COMMD2: variants seen among roughly 807,000 people sequenced by gnomAD.
COMMD2 encodes the protein COMM domain-containing protein 2.
A neutral mutation model predicts 22.5 loss-of-function variants in COMMD2; 25 were observed. The observed-to-expected ratio is 1.11, with a 90% CI of 0.81 to 1.55. The LOEUF (loss-of-function observed/expected upper bound fraction) is 1.55. Ranked by LOEUF, COMMD2 falls within the 40% of genes most tolerant of loss-of-function variation. The pLI is 0.00. For synonymous variants in COMMD2, 98 were observed against 91.2 expected (o/e 1.07, Z -0.42); for missense variants, 223 against 232.9 (o/e 0.96, Z 0.28).
At chr3:149,744,837 C>T (rs1171299145) in intron 4 of COMMD2, among the ~76,000 whole-genome samples, 1 of 152,190 alleles carries the variant, frequency 6.6e-6, no homozygotes, top group African/African-American at 2.4e-5. Context: ...TAAGTGGCAA[C>T]ATTCATTCAG....
chr3:149,741,750 CTATT>C (rs770405302), intron 4 of COMMD2, 32 bp from the exon 5 acceptor site: 16 of 1,492,880 alleles, frequency 1.1e-5, no homozygotes, highest in Non-Finnish European at 1.4e-5. Flanking sequence ...AGCACAGTAA[CTATT>C]TAATAACCAT....
intron 3 of COMMD2, among the ~76,000 whole-genome samples, 188 bp from the exon 4 acceptor site, chr3:149,751,039 A>G (rs548922916): frequency 2.0e-5 from 3 of 152,218 alleles, no homozygotes; most frequent in Non-Finnish European, 4.4e-5. Context: ...TAAAGTATAA[A>G]ATGGAAAAAA....
At chr3:149,742,625 T>G in intron 4 of COMMD2, among the ~76,000 whole-genome samples, 1 of 152,092 alleles carries the variant, frequency 6.6e-6, no homozygotes, top group East Asian at 1.9e-4. Context: ...TGTTCAAGTT[T>G]AAAAAATATA....
At position 149,747,926 on chromosome 3, in the gene COMMD2, C is replaced by T. The variant is rs555166482; in HGVS notation, c.402+2752G>A. Among the ~76,000 whole-genome samples, 6 of 118,118 alleles carry T rather than the reference C, an allele frequency of 5.1e-5. No individual in the cohort carries two copies. In the South Asian group the frequency reaches 1.7e-3, roughly 34 times the overall value. 77.5% of individuals were successfully genotyped at this position (118,118 alleles called of 152,430 possible). ...TCGCGCCACTGCACTCCAGTCTGGG[C>T]GACTGAGCAAGACTCCATCTCAAAA... On this transcript the variant is annotated intron_variant, in intron 4 of 4. Coordinates refer to ENST00000473414, the MANE Select transcript of COMMD2 (RefSeq NM_016094.4).
At chr3:149,748,683 C>T (rs1189775329) in intron 4 of COMMD2, among the ~76,000 whole-genome samples, 4 of 152,238 alleles carry the variant, frequency 2.6e-5, no homozygotes, top group Non-Finnish European at 5.9e-5. Flanking sequence ...AACTACTCAA[C>T]TCTGCCCTTG....
In COMMD2 at chr3:149,750,856, G is replaced by A. The variant is rs776007210; in HGVS notation, c.229-5C>T. 3.2e-6 allele frequency: 5 copies of A among 1,541,006 alleles called. No individual in the cohort carries two copies. The Admixed American group carries it at 9.9e-5, about 30-fold the overall frequency. On this transcript the variant is annotated splice_polypyrimidine_tract_variant and splice_region_variant and intron_variant, in intron 3 of 4. Coordinates refer to ENST00000473414, the MANE Select transcript of COMMD2 (RefSeq NM_016094.4). ...TTGGAAATCCAGTTCAGAAATCTAA[G>A]TGAATTGAGTTTAAAAGAACATCAA...
chr3:149,745,144 G>A (rs1360542921), intron 4 of COMMD2, among the ~76,000 whole-genome samples: 1 of 151,984 alleles, frequency 6.6e-6, no homozygotes, highest in Admixed American at 6.6e-5. Context: ...ATCTCCACCG[G>A]GTTATTATTA....
At chr3:149,747,765 T>C (rs1716419707) in intron 4 of COMMD2, among the ~76,000 whole-genome samples, 1 of 151,906 alleles carries the variant, frequency 6.6e-6, no homozygotes, top group Non-Finnish European at 1.5e-5. Flanking sequence ...GGTGAAACCC[T>C]GTCTCTACTA....
In COMMD2 at chr3:149,750,747, T is replaced by C. The variant is rs754415752; in HGVS notation, c.333A>G (p.Arg111=). The change falls in exon 4 of 5, where the codon AGA becomes AGG. Residue 111 remains arginine, a synonymous_variant. Transcript: ENST00000473414. ...QLYLDNRKEI[R]TILSELAPSL... is the part of the protein sequence containing the mutation. ...TTGGTGCCAATTCACTCAGAATCGT[T>C]CTGATCTCTTTTCTGTTGTCCAGAT... The C allele has an allele frequency of 6.2e-7, 1 of 1,609,306 alleles. No individual in the cohort carries two copies. Among genetic ancestry groups the C allele is most frequent in the African/African-American group, 1.3e-5 (1 of 74,996 alleles).
Position 149,741,326 on chromosome 3 carries a change from A to C in COMMD2, c.*195T>G. On this transcript the variant is annotated 3_prime_UTR_variant, in exon 5 of 5. Transcript: ENST00000473414. Reference sequence around the variant, plus strand: ...CATGATTTGCCCACCTCGGCCTCCCAAAGTGCTGGGATAACTGGCATGAGC... The same window carrying C: ...CATGATTTGCCCACCTCGGCCTCCCCAAGTGCTGGGATAACTGGCATGAGC... The C allele has an allele frequency of 1.8e-6, 1 of 548,744 alleles. No homozygotes were observed. Among genetic ancestry groups the C allele is most frequent in the Non-Finnish European group, 3.2e-6 (1 of 310,682 alleles). 34.0% of individuals were successfully genotyped at this position (548,744 alleles called of 1,614,324 possible). A position where few individuals can be genotyped will look rare whatever the true frequency, so the allele number is the denominator to read the frequency against.
chr3:149,744,161 A>T lies in COMMD2; in HGVS notation c.403-2443T>A, dbSNP rs1716305080. Among the ~76,000 whole-genome samples the T allele has an allele frequency of 3.3e-5, 5 of 152,204 alleles. No homozygotes were observed. In the South Asian group the frequency reaches 1.0e-3, roughly 32 times the overall value. ...CTGTAAATATAACAACAATAAAAGC[A>T]ACTTTAAAATAAAATGTCTTATGTC... On this transcript the variant is annotated intron_variant, in intron 4 of 4. Coordinates refer to ENST00000473414, the MANE Select transcript of COMMD2 (RefSeq NM_016094.4).
At chr3:149,745,327 C>T (rs2108250176) in intron 4 of COMMD2, among the ~76,000 whole-genome samples, 1 of 152,282 alleles carries the variant, frequency 6.6e-6, no homozygotes, top group Admixed American at 6.5e-5. Flanking sequence ...TAAGAAGTCA[C>T]TTAACTCCCC....
In COMMD2 at chr3:149,750,691, C is replaced by T. The variant is rs1228870180; in HGVS notation, c.389G>A (p.Arg130Gln). The change falls in exon 4 of 5, where the codon CGA becomes CAA. Residue 130 changes from arginine to glutamine, a missense_variant. Transcript: ENST00000473414. ...SLPSYHNLEW[R>Q]LDVQLASRSL... ...AAAATGCTATACCTGTACATCTAGT[C>T]GCCATTCAAGGTTATGATAACTGGG... 28 of 1,569,450 alleles carry T rather than the reference C, an allele frequency of 1.8e-5. No homozygotes were observed. The highest frequency in any genetic ancestry group is 2.7e-5 in the African/African-American group (2 of 73,386).
chr3:149,744,116 A>G (rs1040043566), intron 4 of COMMD2, among the ~76,000 whole-genome samples: 1 of 152,164 alleles, frequency 6.6e-6, no homozygotes, highest in African/African-American at 2.4e-5. Context: ...TTTATTGGGG[A>G]TGAGATTCTG....
Position 149,741,356 on chromosome 3 carries a change from G to A in COMMD2, c.*165C>T. 1.6e-6 allele frequency: 1 copy of A among 642,868 alleles called. No homozygotes were observed. The highest frequency in any genetic ancestry group is 2.7e-5 in the Admixed American group (1 of 37,166). The allele number at this position is 642,868 out of a possible 1,614,324, so 39.8% of individuals were successfully genotyped here. A position where few individuals can be genotyped will look rare whatever the true frequency, so the allele number is the denominator to read the frequency against. On this transcript the variant is annotated 3_prime_UTR_variant, in exon 5 of 5. Transcript: ENST00000473414. ...GCTGGGATAACTGGCATGAGCCACT[G>A]CACCCAGCTTAGCTTCTGATTATGA...
chr3:149,746,051 T>C (rs930274421), intron 4 of COMMD2, among the ~76,000 whole-genome samples: 1 of 152,208 alleles, frequency 6.6e-6, no homozygotes, highest in African/African-American at 2.4e-5. Context: ...CATCCAAGTG[T>C]TAGGCCCACA....
At chr3:149,750,114 A>G (rs1385184141) in intron 4 of COMMD2, 2 of 176,848 alleles carry the variant, frequency 1.1e-5, no homozygotes, top group African/African-American at 4.7e-5. Flanking sequence ...CTGTGACTTT[A>G]AAATCAACTG....
chr3:149,745,117 T>C (rs1426565672), intron 4 of COMMD2, among the ~76,000 whole-genome samples: 1 of 152,114 alleles, frequency 6.6e-6, no homozygotes, highest in Non-Finnish European at 1.5e-5. Context: ...CTGAGCCACA[T>C]ACATGACCAT....
chr3:149,751,269 T>C, intron 3 of COMMD2, 134 bp downstream of exon 3: 4 of 1,391,206 alleles, frequency 2.9e-6, no homozygotes, highest in Non-Finnish European at 3.9e-6. Flanking sequence ...TTTAGGTATG[T>C]CTTCAAAAAA....
Sources: gnomAD v4.1 joint callset for allele counts (sites outside exome capture counted in the v4.1 genomes callset) on GRCh38, gnomAD v4.1.1 for gene constraint, MANE v1.5 for transcripts, NCBI Gene and HGNC (gene_info 2026-07-23, HGNC 2026-07-21) for gene names.